Variants in CDC14B observed in about 807,000 individuals in gnomAD.
CDC14B encodes cell division cycle 14B.
Under a neutral mutation model 64.2 loss-of-function variants are expected in CDC14B, and 22 were observed. The observed-to-expected ratio is 0.34, with a 90% CI of 0.24 to 0.49. The LOEUF (loss-of-function observed/expected upper bound fraction) is 0.49. Among genes scored for constraint, CDC14B ranks in the 20% least tolerant of loss-of-function variants. The pLI is 0.99. For missense variants in CDC14B, 498 were observed against 629.9 expected (o/e 0.79, Z 2.24); for synonymous variants, 191 against 215.8 (o/e 0.89, Z 1.01).
At position 96,515,783 on chromosome 9, in the gene CDC14B, TA is replaced by T; in HGVS notation, c.1344-5995del. ...TACACAGTGCAGAGGTCAGCACAGC[TA>T]GGGGACATCTGGAAAGGGGTGAAGG... On this transcript the variant is annotated intron_variant, in intron 12 of 13. Coordinates refer to ENST00000375241, the MANE Select transcript of CDC14B (RefSeq NM_033331.4). The surrounding 1 kb of genome is among the most constrained non-coding windows in gnomAD (Gnocchi z 4.3). 6.3e-7 allele frequency: 1 copy of T among 1,597,730 alleles called. No homozygotes were observed. Among genetic ancestry groups the T allele is most frequent in the Non-Finnish European group, 8.5e-7 (1 of 1,172,820 alleles).
chr9:96,601,777 G>C (rs1447542454), intron 1 of CDC14B, among the ~76,000 whole-genome samples: 2 of 138,878 alleles, frequency 1.4e-5, no homozygotes, highest in Non-Finnish European at 3.0e-5. Flanking sequence ...CTGGGCGACA[G>C]AGCAAGACGC....
intron 7 of CDC14B, among the ~76,000 whole-genome samples, chr9:96,538,112 A>G (rs528390366): frequency 6.6e-6 from 1 of 152,228 alleles, no homozygotes; most frequent in African/African-American, 2.4e-5. Flanking sequence ...GGCAAAAACA[A>G]AGATATTTTC....
chr9:96,547,573 T>A (rs547346081), intron 5 of CDC14B, among the ~76,000 whole-genome samples: 1 of 151,752 alleles, frequency 6.6e-6, no homozygotes, highest in African/African-American at 2.4e-5. Context: ...CCTGCCTTAG[T>A]CTCCCAAGTA....
At chr9:96,518,763 T>G (rs914880402) in intron 12 of CDC14B, among the ~76,000 whole-genome samples, 1 of 152,214 alleles carries the variant, frequency 6.6e-6, no homozygotes, top group East Asian at 1.9e-4. Flanking sequence ...CTTCAGTTCC[T>G]TAAAGGCAGA....
intron 1 of CDC14B, among the ~76,000 whole-genome samples, chr9:96,614,154 G>A (rs1004014304): frequency 1.3e-5 from 2 of 151,980 alleles, no homozygotes; most frequent in African/African-American, 4.8e-5. Context: ...TTTTAAAAAG[G>A]TAAAGAAATT....
At chr9:96,540,579 T>C (rs139686408) in intron 6 of CDC14B, among the ~76,000 whole-genome samples, 3 of 152,036 alleles carry the variant, frequency 2.0e-5, no homozygotes, top group African/African-American at 7.2e-5. Flanking sequence ...TACCAGCTAA[T>C]TGACTTTGGG....
intron 1 of CDC14B, among the ~76,000 whole-genome samples, chr9:96,590,949 A>C (rs1344654250): frequency 1.3e-5 from 2 of 151,980 alleles, no homozygotes; most frequent in East Asian, 3.9e-4. Context: ...CGTATTTTTT[A>C]ATTGGTTTGT....
At chr9:96,567,071 T>C in intron 1 of CDC14B, 2 of 1,015,200 alleles carry the variant, frequency 2.0e-6, no homozygotes, top group East Asian at 3.0e-5. Flanking sequence ...CCTCCCGCTT[T>C]CTTTCCCCCC....
In CDC14B at chr9:96,500,278, T is replaced by C. The variant is rs1213671696; in HGVS notation, c.*3475A>G. ...CCATTAGGAAGCTTTATCTTAAAAA[T>C]ACCTTCAGGAAAATAAACATTCATT... is the stretch of plus-strand genomic sequence containing the variant. On this transcript the variant is annotated 3_prime_UTR_variant, in exon 14 of 14. Coordinates refer to ENST00000375241, the MANE Select transcript of CDC14B (RefSeq NM_033331.4). 6.6e-6 allele frequency: 1 copy of C among 152,586 alleles called. No homozygotes were observed. Among genetic ancestry groups the C allele is most frequent in the Non-Finnish European group, 1.5e-5 (1 of 68,036 alleles). The allele number at this position is 152,586 out of a possible 1,614,324, so 9.5% of individuals were successfully genotyped here. A position where few individuals can be genotyped will look rare whatever the true frequency, so the allele number is the denominator to read the frequency against.
chr9:96,585,583 C>T (rs912159907), intron 1 of CDC14B, among the ~76,000 whole-genome samples: 22 of 152,074 alleles, frequency 1.4e-4, no homozygotes, highest in African/African-American at 4.8e-4. Flanking sequence ...CACTTCACAC[C>T]CATTAAAATG....
At chr9:96,535,392 G>A (rs1839144692) in intron 7 of CDC14B, among the ~76,000 whole-genome samples, 1 of 152,172 alleles carries the variant, frequency 6.6e-6, no homozygotes, top group Non-Finnish European at 1.5e-5. Context: ...CAAGATCACA[G>A]TATGTCCCTA....
At chr9:96,540,027 GTCT>G (rs1839821819) in intron 6 of CDC14B, among the ~76,000 whole-genome samples, 1 of 152,084 alleles carries the variant, frequency 6.6e-6, no homozygotes, top group South Asian at 2.1e-4. Flanking sequence ...AACTAAAAAG[GTCT>G]TCATTTTATA....
chr9:96,526,895 G>C (rs1185637187), intron 9 of CDC14B, among the ~76,000 whole-genome samples: 1 of 152,098 alleles, frequency 6.6e-6, no homozygotes, highest in Non-Finnish European at 1.5e-5. Context: ...TGATGGGGTT[G>C]GGGTGCAAAA....
rs1320967190 is a variant in CDC14B, at chr9:96,589,036, G to A, written c.161-23553C>T. ...AAATTCATAAAGTATTAAACATTTT[G>A]ATTAAAAGTACCCTGGTGGCCAGGA... On this transcript the variant is annotated intron_variant, in intron 1 of 13. Transcript: ENST00000375241. Among the ~76,000 whole-genome samples the A allele has an allele frequency of 4.6e-5, 7 of 152,108 alleles. 1 individual carries two copies. The South Asian group carries it at 1.4e-3, about 32-fold the overall frequency.
At chr9:96,606,507 A>G (rs976385694) in intron 1 of CDC14B, among the ~76,000 whole-genome samples, 4 of 149,126 alleles carry the variant, frequency 2.7e-5, no homozygotes, top group African/African-American at 9.9e-5. Flanking sequence ...ACAGAATGAG[A>G]TCTCATCTCT....
At chr9:96,519,263 T>G (rs1023473893) in intron 12 of CDC14B, among the ~76,000 whole-genome samples, 1 of 152,238 alleles carries the variant, frequency 6.6e-6, no homozygotes, top group African/African-American at 2.4e-5. Flanking sequence ...AGTTATGCAA[T>G]CTACCAAATC....
chr9:96,515,557 C>A lies in CDC14B; in HGVS notation c.1344-5768G>T. On this transcript the variant is annotated intron_variant, in intron 12 of 13. Transcript: ENST00000375241. This position sits in a 1 kb window ranked among gnomAD's most constrained non-coding sequence, Gnocchi z 4.3. ...TTTGAAAATAGGCAAACCAACAAAG[C>A]TAGGAGCTGACAAGGAGAAAAACAT... 1 of 1,255,904 alleles carries A rather than the reference C, an allele frequency of 8.0e-7. No individual in the cohort carries two copies. Among genetic ancestry groups the A allele is most frequent in the Non-Finnish European group, 1.1e-6 (1 of 945,754 alleles). 77.8% of individuals were successfully genotyped at this position (1,255,904 alleles called of 1,614,324 possible).
chr9:96,572,984 T>A (rs111331100), intron 1 of CDC14B, among the ~76,000 whole-genome samples: 2,835 of 152,022 alleles, frequency 0.019, 87 homozygotes, highest in African/African-American at 0.065. Flanking sequence ...ATCAAAACTG[T>A]CCTTGTTTGC....
intron 9 of CDC14B, among the ~76,000 whole-genome samples, chr9:96,532,863 A>G (rs1211414344): frequency 1.3e-5 from 2 of 151,964 alleles, no homozygotes; most frequent in Non-Finnish European, 2.9e-5. Flanking sequence ...CGTTTCCTTG[A>G]CTTTTCCCAC....
Sources: allele counts gnomAD v4.1 joint callset (sites outside exome capture counted in the v4.1 genomes callset), GRCh38; gene constraint gnomAD v4.1.1; non-coding constraint Gnocchi (gnomAD v3.1); transcripts MANE v1.5; gene names NCBI Gene and HGNC (gene_info 2026-07-23, HGNC 2026-07-21).